LGR4: variants seen among roughly 807,000 people sequenced by gnomAD.
LGR4 encodes the protein leucine rich repeat containing G protein-coupled receptor 4, also known as leucine-rich repeat-containing G protein-coupled receptor 4.
In LGR4, 44 loss-of-function variants were observed where a neutral mutation model predicts 84.8. That is an observed-to-expected ratio of 0.52 (90% confidence interval 0.41 to 0.67). LGR4 has a LOEUF of 0.67. Ranked by LOEUF, LGR4 falls within the 30% of genes least tolerant of loss-of-function variation. The pLI is 0.00. For synonymous variants in LGR4, 429 were observed against 434.3 expected, an observed-to-expected ratio of 0.99 and a Z score of 0.15; for missense variants, 1,032 against 1,131.4, an observed-to-expected ratio of 0.91 and a Z score of 1.26.
rs753753607 is a variant in LGR4 at position 27,412,797 on chromosome 11, T to C, written c.249A>G (p.Leu83=). 3.2e-6 allele frequency: 5 copies of C among 1,576,142 alleles called. No homozygotes were observed. The African/African-American group carries it at 6.8e-5, about 21-fold the overall frequency. The change falls in exon 2 of 18, where the codon CTA becomes CTG. Residue 83 remains leucine, a synonymous_variant. Transcript: ENST00000379214. ...CTCAAAGTAATACTTACAGCTCTTC[T>C]AGAAAAGGAAAGTTCTTAAATGCAT... ...PEDAFKNFPF[L]EELQLAGNDL... is the part of the protein sequence containing the mutation.
chr11:27,417,484 A>T (rs1863842767), intron 1 of LGR4, among the ~76,000 whole-genome samples: 1 of 151,532 alleles, frequency 6.6e-6, no homozygotes, highest in South Asian at 2.1e-4. Flanking sequence ...CTCCAGTGGA[A>T]CAAATTTGAA....
At chr11:27,460,039 G>A (rs184023222) in intron 1 of LGR4, among the ~76,000 whole-genome samples, 6 of 152,218 alleles carry the variant, frequency 3.9e-5, no homozygotes, top group Non-Finnish European at 7.4e-5. Flanking sequence ...ACAGTGAGCC[G>A]AGATGGCACC....
chr11:27,415,173 G>A (rs1451214415), intron 1 of LGR4, among the ~76,000 whole-genome samples: 1 of 152,096 alleles, frequency 6.6e-6, no homozygotes, highest in Non-Finnish European at 1.5e-5. Flanking sequence ...CAATGATTCT[G>A]TAAAATATCA....
At chr11:27,399,956 TC>T (rs1016183618) in intron 2 of LGR4, among the ~76,000 whole-genome samples, 35 of 152,216 alleles carry the variant, frequency 2.3e-4, no homozygotes, top group Admixed American at 2.2e-3. Flanking sequence ...GTACACTGGT[TC>T]CCATGTAGGG....
intron 1 of LGR4, among the ~76,000 whole-genome samples, chr11:27,422,336 C>T (rs978378718): frequency 6.6e-6 from 1 of 152,198 alleles, no homozygotes; most frequent in Admixed American, 6.5e-5. Flanking sequence ...CTTCACCGTC[C>T]TTGCCTTCAA....
intron 14 of LGR4, 87 bp from the exon 15 acceptor site, chr11:27,373,763 G>A: frequency 7.8e-7 from 1 of 1,277,950 alleles, no homozygotes; most frequent in Non-Finnish European, 1.1e-6. Flanking sequence ...ATAAATATTA[G>A]ATCCCTAAGA....
Position 27,472,149 on chromosome 11 carries a change from G to A in LGR4, c.154C>T (p.Pro52Ser), listed in dbSNP as rs1428370107. The change falls in exon 1 of 18, where the codon CCC becomes TCC. Residue 52 changes from proline (P) to serine (S), a missense_variant. Coordinates refer to ENST00000379214, the MANE Select transcript of LGR4 (RefSeq NM_018490.5). ...TGGGTGAAGGCGCTGAGCCCCTCGG[G>A]CACGGCCGTCAGCCCCTTCCCGGAG... Reference protein sequence around the residue: ...DCSGKGLTAVPEGLSAFTQAL... With the variant: ...DCSGKGLTAVSEGLSAFTQAL... The A allele has an allele frequency of 1.5e-6, 2 of 1,372,958 alleles. No individual in the cohort carries two copies. Among genetic ancestry groups the A allele is most frequent in the Non-Finnish European group, 1.9e-6 (2 of 1,059,516 alleles). 85.0% of individuals were successfully genotyped at this position (1,372,958 alleles called of 1,614,324 possible). A position where few individuals can be genotyped will look rare whatever the true frequency, so the allele number is the denominator to read the frequency against.
rs112228547 is a variant in LGR4, at chr11:27,395,166, C to T, written c.258-2648G>A. 3.5e-3 allele frequency among the ~76,000 whole-genome samples: 540 copies of T among 152,176 alleles called. 26 individuals are homozygous for T. In the East Asian group the frequency reaches 0.08, roughly 23 times the overall value. ...CATAAGAGGCAGTAGCCATCTTTCC[C>T]CAGGGCCTCAGATAGCCCTGTGACT... On this transcript the variant is annotated intron_variant, in intron 2 of 17. Transcript: ENST00000379214.
chr11:27,423,447 C>A (rs900611677), intron 1 of LGR4, among the ~76,000 whole-genome samples: 13 of 151,794 alleles, frequency 8.6e-5, no homozygotes, highest in African/African-American at 3.1e-4. Flanking sequence ...ACATACCCCA[C>A]ACACACTCTC....
chr11:27,443,461 C>G (rs758248861), intron 1 of LGR4, among the ~76,000 whole-genome samples: 2 of 152,170 alleles, frequency 1.3e-5, no homozygotes, highest in Non-Finnish European at 2.9e-5. Flanking sequence ...CTGTTTTCCC[C>G]TAATTACTTG....
chr11:27,380,016 CT>C (rs1275244978), intron 10 of LGR4, among the ~76,000 whole-genome samples: 1 of 152,184 alleles, frequency 6.6e-6, no homozygotes, highest in Non-Finnish European at 1.5e-5. Context: ...TCTGAAAGCA[CT>C]GCTTCTAATT....
At chr11:27,396,882 G>C (rs552838735) in intron 2 of LGR4, among the ~76,000 whole-genome samples, 1 of 152,206 alleles carries the variant, frequency 6.6e-6, no homozygotes, top group East Asian at 1.9e-4. Flanking sequence ...TGTGAAGGTG[G>C]AGAGTCCCAG....
chr11:27,434,193 G>GTTCC (rs1864166417), intron 1 of LGR4, among the ~76,000 whole-genome samples: 1 of 152,228 alleles, frequency 6.6e-6, no homozygotes, highest in Non-Finnish European at 1.5e-5. Flanking sequence ...CCAGGACAGT[G>GTTCC]AGGGATCTGG....
Position 27,391,110 on chromosome 11 carries a change from T to C in LGR4, c.385A>G (p.Ser129Gly). The C allele has an allele frequency of 6.2e-7, 1 of 1,607,898 alleles. No individual in the cohort carries two copies. The highest frequency in any genetic ancestry group is 1.7e-4 in the Middle Eastern group (1 of 6,036). Residue 129 changes from serine to glycine, a missense_variant, in exon 4 of 18, where the codon AGT (serine) becomes GGT (glycine). Physicochemically the swap from Ser to Gly is moderately conservative, Grantham distance 56. Transcript: ENST00000379214. ...TVPSEAIRGL[S>G]ALQSLRLDAN... ...GTTACTTACAAAGACTGCAAAGCAC[T>C]CAGCCCTCGAATGGCTTCACTGGGT... is the stretch of plus-strand genomic sequence containing the variant.
intron 2 of LGR4, among the ~76,000 whole-genome samples, chr11:27,403,390 TGCA>T (rs1863541533): frequency 6.6e-6 from 1 of 152,164 alleles, no homozygotes; most frequent in Non-Finnish European, 1.5e-5. Flanking sequence ...AGGTCAAGGT[TGCA>T]GTGAGCTGCA....
chr11:27,417,031 G>A (rs1180505908), intron 1 of LGR4, among the ~76,000 whole-genome samples: 2 of 152,098 alleles, frequency 1.3e-5, no homozygotes, highest in African/African-American at 2.4e-5. Context: ...CATCCTTACT[G>A]GGTCTGGGCC....
rs549618520 is a variant in LGR4 at position 27,448,534 on chromosome 11, C to T, written c.185+23584G>A. On this transcript the variant is annotated intron_variant, in intron 1 of 17. Coordinates refer to ENST00000379214, the MANE Select transcript of LGR4 (RefSeq NM_018490.5). ...CTCGAACTCCCGACCTCAGGTGATC[C>T]GCTCGCCTCAGCCTCCCAAAGTGCT... Among the ~76,000 whole-genome samples the T allele has an allele frequency of 1.2e-4, 19 of 152,180 alleles. No individual in the cohort carries two copies. In the East Asian group the frequency reaches 1.7e-3, roughly 14 times the overall value.
chr11:27,420,171 T>A (rs927173060), intron 1 of LGR4, among the ~76,000 whole-genome samples: 1 of 152,160 alleles, frequency 6.6e-6, no homozygotes, highest in Non-Finnish European at 1.5e-5. Flanking sequence ...AAAAAAATAA[T>A]TCATCCTATG....
Position 27,368,869 on chromosome 11 carries a change from G to A in LGR4, c.1854C>T (p.Cys618=). The A allele has an allele frequency of 6.2e-7, 1 of 1,614,150 alleles. No homozygotes were observed. Among genetic ancestry groups the A allele is most frequent in the Non-Finnish European group, 8.5e-7 (1 of 1,180,022 alleles). ...AAACTGCAAGAAACCCAGCTACTTT[G>A]CAGCCACTGCCAGTTTCCCACCAAA... ...FGIWWETGSG[C]KVAGFLAVFS... Residue 618 remains cysteine (C), a synonymous_variant, in exon 18 of 18, where the codon TGC becomes TGT. Coordinates refer to ENST00000379214, the MANE Select transcript of LGR4 (RefSeq NM_018490.5).
Sources: allele counts gnomAD v4.1 joint callset (sites outside exome capture counted in the v4.1 genomes callset), GRCh38; gene constraint gnomAD v4.1.1; transcripts MANE v1.5; gene names NCBI Gene and HGNC (gene_info 2026-07-23, HGNC 2026-07-21).